NTNG2: variants seen among roughly 807,000 people sequenced by gnomAD.
NTNG2 encodes netrin G2, also known as netrin-G2.
In NTNG2, 15 loss-of-function variants were observed where a neutral mutation model predicts 47.6. The ratio of observed to expected loss-of-function variants is 0.32; its 90% CI spans 0.21 to 0.49. The LOEUF is 0.49. Ranked by LOEUF, NTNG2 falls within the 20% of genes least tolerant of loss-of-function variation. The pLI is 0.99. For missense variants in NTNG2, 578 were observed against 764.6 expected, an observed-to-expected ratio of 0.76 and a Z score of 2.88; for synonymous variants, 307 against 324.6, an observed-to-expected ratio of 0.95 and a Z score of 0.58.
At position 132,200,262 on chromosome 9, in the gene NTNG2, G is replaced by A. The variant is rs142321324; in HGVS notation, c.857+1653G>A. 7.4e-3 allele frequency among the ~76,000 whole-genome samples: 1,123 copies of A among 152,326 alleles called. 32 individuals are homozygous for A. The highest frequency in any genetic ancestry group is 0.048 in the Admixed American group (728 of 15,304). The stretch of plus-strand genomic sequence containing the variant: ...AGGGTGCTGGGGCAGTCCGGGCCAG[G>A]AGCCTGGCTTAGGCAGGTGCAGGCA... On this transcript the variant is annotated intron_variant, in intron 3 of 7. Coordinates refer to ENST00000393229, the MANE Select transcript of NTNG2 (RefSeq NM_032536.4).
At chr9:132,228,849 C>G (rs562845530) in intron 4 of NTNG2, among the ~76,000 whole-genome samples, 45 of 152,294 alleles carry the variant, frequency 3.0e-4, no homozygotes, top group South Asian at 1.2e-3. Flanking sequence ...TGAGCCACCA[C>G]GTCTGGCCAT....
intron 3 of NTNG2, among the ~76,000 whole-genome samples, chr9:132,225,062 G>C (rs1359062864): frequency 6.6e-6 from 1 of 151,960 alleles, no homozygotes; most frequent in African/African-American, 2.4e-5. Flanking sequence ...TGGGATTACA[G>C]GTGCACCATC....
chr9:132,239,225 C>T lies in NTNG2; in HGVS notation c.1176C>T (p.Tyr392=). Residue 392 remains tyrosine, a synonymous_variant, in exon 6 of 8, where the codon TAC becomes TAT. Transcript: ENST00000393229. ...GQHCQHCRLG[Y]YRNGSAELDD... is the part of the protein sequence containing the mutation. ...ACTGCCAGCACTGCCGGCTGGGCTACTACCGCAACGGCTCGGCAGAGCTGG... is the reference window on the plus strand; with the variant it reads ...ACTGCCAGCACTGCCGGCTGGGCTATTACCGCAACGGCTCGGCAGAGCTGG... 6.2e-7 allele frequency: 1 copy of T among 1,613,790 alleles called. No individual in the cohort carries two copies.
intron 6 of NTNG2, among the ~76,000 whole-genome samples, chr9:132,240,343 C>T (rs530472889): frequency 6.6e-6 from 1 of 152,236 alleles, no homozygotes; most frequent in Non-Finnish European, 1.5e-5. Flanking sequence ...TCCTCCTCTC[C>T]CTGGCTCTCC....
chr9:132,173,212 G>T lies in NTNG2; in HGVS notation c.213+6168G>T, dbSNP rs1409018238. ...CTTCGGCACCTGAGCTGCACCAGCCGTTAAAGCCACTCAGTCTCTTGAAAT... is the reference window on the plus strand; with the variant it reads ...CTTCGGCACCTGAGCTGCACCAGCCTTTAAAGCCACTCAGTCTCTTGAAAT... On this transcript the variant is annotated intron_variant, in intron 2 of 7. Transcript: ENST00000393229. Among the ~76,000 whole-genome samples, 3 of 152,162 alleles carry T rather than the reference G, an allele frequency of 2.0e-5. No individual in the cohort carries two copies. In the South Asian group the frequency reaches 6.2e-4, roughly 31 times the overall value.
intron 3 of NTNG2, among the ~76,000 whole-genome samples, chr9:132,225,259 T>TTTTG (rs1564433878): frequency 5.0e-4 from 76 of 151,122 alleles, no homozygotes; most frequent in African/African-American, 1.7e-3. Context: ...GTTTTGTTTG[T>TTTTG]TTTTGTTTTG....
chr9:132,199,983 A>T (rs12005739), intron 3 of NTNG2, among the ~76,000 whole-genome samples: 17,711 of 152,104 alleles, frequency 0.12, 3,075 homozygotes, highest in African/African-American at 0.38. Flanking sequence ...GGTCATTTGT[A>T]CTTTTGGCAG....
intron 6 of NTNG2, among the ~76,000 whole-genome samples, chr9:132,240,196 G>A (rs1358184527): frequency 1.3e-5 from 2 of 152,222 alleles, no homozygotes; most frequent in East Asian, 3.9e-4. Flanking sequence ...TGGAGCTGTC[G>A]GTCTGAATTC....
chr9:132,206,699 A>ACTCTTTGGGGACACCCAG (rs1264689701), intron 3 of NTNG2, among the ~76,000 whole-genome samples: 28 of 152,090 alleles, frequency 1.8e-4, no homozygotes, highest in Admixed American at 7.2e-4. Context: ...AATAAACCCA[A>ACTCTTTGGGGACACCCAG]CTCTTTGGGG....
chr9:132,224,239 C>T (rs1172029664), intron 3 of NTNG2, among the ~76,000 whole-genome samples: 5 of 152,096 alleles, frequency 3.3e-5, no homozygotes. Flanking sequence ...CCCATTTCCC[C>T]ACCCCCCTGC....
Position 132,226,623 on chromosome 9 carries a change from G to A in NTNG2, c.858-226G>A, listed in dbSNP as rs1840775938. 1.3e-5 allele frequency among the ~76,000 whole-genome samples: 2 copies of A among 152,244 alleles called. No homozygotes were observed. Among genetic ancestry groups the A allele is most frequent in the South Asian group, 2.1e-4 (1 of 4,830 alleles). On this transcript the variant is annotated intron_variant, in intron 3 of 7. Transcript: ENST00000393229. This position sits in a 1 kb window ranked among gnomAD's most constrained non-coding sequence, Gnocchi z 4.8. ...CAGCATCAGAGCAGAGAGGAGAGCC[G>A]CGCAGTGACTGCAGGTGTGGCCTTT... is the stretch of plus-strand genomic sequence containing the variant.
In NTNG2 at chr9:132,197,472, T is replaced by G. The variant is rs780080004; in HGVS notation, c.214-494T>G. ...GGAGATATTTAGAGAGTCGAGAATGTGAATGGGAATTTTTGAGGCGGACAG... is the reference window on the plus strand; with the variant it reads ...GGAGATATTTAGAGAGTCGAGAATGGGAATGGGAATTTTTGAGGCGGACAG... On this transcript the variant is annotated intron_variant, in intron 2 of 7. Transcript: ENST00000393229. The surrounding 1 kb of genome is among the most constrained non-coding windows in gnomAD (Gnocchi z 4.3). Among the ~76,000 whole-genome samples, 1 of 152,102 alleles carries G rather than the reference T, an allele frequency of 6.6e-6. No individual in the cohort carries two copies. Among genetic ancestry groups the G allele is most frequent in the African/African-American group, 2.4e-5 (1 of 41,418 alleles).
rs1184642570 is a variant in NTNG2, at chr9:132,162,914, C to G, written c.-484+675C>G. ...CTGAGCGGCGCGCAGGTGGGGGGAGCAGAGGCGGCGGGAAGGCGGGAAGAG... is the reference window on the plus strand; with the variant it reads ...CTGAGCGGCGCGCAGGTGGGGGGAGGAGAGGCGGCGGGAAGGCGGGAAGAG... On this transcript the variant is annotated intron_variant, in intron 1 of 7. Coordinates refer to ENST00000393229, the MANE Select transcript of NTNG2 (RefSeq NM_032536.4). The surrounding 1 kb of genome is among the most constrained non-coding windows in gnomAD (Gnocchi z 4.6). 1.3e-5 allele frequency among the ~76,000 whole-genome samples: 2 copies of G among 152,062 alleles called. No homozygotes were observed. The highest frequency in any genetic ancestry group is 1.3e-4 in the Admixed American group (2 of 15,280).
intron 5 of NTNG2, 50 bp downstream of exon 5, chr9:132,230,645 C>T (rs760326589): frequency 6.3e-7 from 1 of 1,588,734 alleles, no homozygotes. Context: ...GCACGAGCCT[C>T]TTTGCATGTC....
chr9:132,227,106 C>T (rs887700314), intron 4 of NTNG2, 85 bp downstream of exon 4: 104 of 1,404,014 alleles, frequency 7.4e-5, no homozygotes, highest in Admixed American at 1.6e-4. Context: ...ATCATACACA[C>T]GCACACAAAC....
At chr9:132,209,230 G>A (rs879650365) in intron 3 of NTNG2, among the ~76,000 whole-genome samples, 1 of 152,248 alleles carries the variant, frequency 6.6e-6, no homozygotes, top group South Asian at 2.1e-4. Flanking sequence ...TCTGGTGAGC[G>A]TGTTTAACTC....
At chr9:132,217,053 G>C (rs1840040759) in intron 3 of NTNG2, among the ~76,000 whole-genome samples, 1 of 152,180 alleles carries the variant, frequency 6.6e-6, no homozygotes, top group Non-Finnish European at 1.5e-5. Flanking sequence ...GTGAGATCCA[G>C]CTCTAGTGCC....
chr9:132,186,746 AGCCCGCGGAT>A (rs772778998), intron 2 of NTNG2, among the ~76,000 whole-genome samples: 16 of 152,266 alleles, frequency 1.1e-4, no homozygotes, highest in Non-Finnish European at 2.4e-4. Flanking sequence ...AGCGGAGCGA[AGCCCGCGGAT>A]GCCCACCGCC....
At chr9:132,235,040 C>T (rs887570943) in intron 5 of NTNG2, among the ~76,000 whole-genome samples, 33 of 152,294 alleles carry the variant, frequency 2.2e-4, no homozygotes, top group Non-Finnish European at 7.3e-5. Context: ...CTGTGTGTCC[C>T]GTTAGTCTAC....
Sources: allele counts gnomAD v4.1 joint callset (sites outside exome capture counted in the v4.1 genomes callset), GRCh38; gene constraint gnomAD v4.1.1; non-coding constraint Gnocchi (gnomAD v3.1); transcripts MANE v1.5; gene names NCBI Gene and HGNC (gene_info 2026-07-23, HGNC 2026-07-21).